CEP192: variants seen among roughly 807,000 people sequenced by gnomAD.
CEP192 encodes the protein centrosomal protein of 192 kDa.
In CEP192, 151 loss-of-function variants were observed where a neutral mutation model predicts 271.8. The ratio of observed to expected loss-of-function variants is 0.56; its 90% CI spans 0.49 to 0.64. CEP192 has a LOEUF of 0.64. CEP192 is among the 30% of genes least tolerant of loss of function. The pLI is 0.00. For missense variants in CEP192, 2,910 were observed against 3,020.5 expected (o/e 0.96, Z 0.86); for synonymous variants, 995 against 1,076.5 (o/e 0.92, Z 1.48).
Position 13,124,645 on chromosome 18 carries a change from A to T in CEP192, c.7489A>T (p.Ile2497Phe). 1 of 1,613,212 alleles carries T rather than the reference A, an allele frequency of 6.2e-7. No homozygotes were observed. The highest frequency in any genetic ancestry group is 1.1e-5 in the South Asian group (1 of 91,036). The change falls in exon 45 of 45, where the codon ATC becomes TTC. Residue 2497 changes from isoleucine (I) to phenylalanine (F), a missense_variant. Physicochemically the swap from Ile to Phe is conservative, Grantham distance 21. Coordinates refer to ENST00000506447, the MANE Select transcript of CEP192 (RefSeq NM_032142.4). The part of the protein sequence containing the change: ...SKYSLRAQHY[I>F]NMPVQFKPKS... ...CTCTCTTTCCAGAGCCCAGCATTACATCAACATGCCCGTGCAGTTCAAACC... is the reference window on the plus strand; with the variant it reads ...CTCTCTTTCCAGAGCCCAGCATTACTTCAACATGCCCGTGCAGTTCAAACC...
chr18:13,053,069 T>C lies in CEP192; in HGVS notation c.3168T>C (p.Asp1056=). Reference sequence around the variant, plus strand: ...GCTCCTATCCTACCACAGCCACAGATGATGCCCTGGAGGACCGCAAGGTGG... The same window carrying C: ...GCTCCTATCCTACCACAGCCACAGACGATGCCCTGGAGGACCGCAAGGTGG... The part of the protein sequence containing the change: ...PESSYPTTAT[D]DALEDRKSDI... The change falls in exon 18 of 45, where the codon GAT becomes GAC. Residue 1056 remains aspartate, a synonymous_variant. Coordinates refer to ENST00000506447, the MANE Select transcript of CEP192 (RefSeq NM_032142.4). 3 of 1,611,162 alleles carry C rather than the reference T, an allele frequency of 1.9e-6. No individual in the cohort carries two copies. The highest frequency in any genetic ancestry group is 2.5e-6 in the Non-Finnish European group (3 of 1,178,574).
rs1326980480 is a variant in CEP192, at chr18:13,067,968, C to T, written c.4614+12C>T. ...TGATTATTAATGCTGTAAGTATGAACATACAGTAAGAAACCATTTACAGAA... is the reference window on the plus strand; with the variant it reads ...TGATTATTAATGCTGTAAGTATGAATATACAGTAAGAAACCATTTACAGAA... On this transcript the variant is annotated intron_variant, in intron 22 of 44. Transcript: ENST00000506447. The T allele has an allele frequency of 8.7e-6, 14 of 1,604,268 alleles. No homozygotes were observed. Among genetic ancestry groups the T allele is most frequent in the African/African-American group, 1.3e-5 (1 of 74,672 alleles).
At chr18:13,026,697 G>A (rs1347686973) in intron 9 of CEP192, among the ~76,000 whole-genome samples, 2 of 152,092 alleles carry the variant, frequency 1.3e-5, no homozygotes, top group Non-Finnish European at 2.9e-5. Context: ...CATTCCTCAC[G>A]TGTTACAGTT....
intron 3 of CEP192, among the ~76,000 whole-genome samples, chr18:13,004,405 G>A (rs958696370): frequency 2.6e-5 from 4 of 152,122 alleles, no homozygotes; most frequent in African/African-American, 9.7e-5. Flanking sequence ...GAGAATTGCT[G>A]CAGCAACGTC....
At chr18:13,019,569 G>A (rs992243855) in intron 9 of CEP192, among the ~76,000 whole-genome samples, 4 of 152,042 alleles carry the variant, frequency 2.6e-5, no homozygotes, top group South Asian at 2.1e-4. Context: ...TGTGCCTGAA[G>A]CTTGGTAGTC....
At chr18:12,998,024 C>G (rs1339041256) in intron 1 of CEP192, among the ~76,000 whole-genome samples, 1 of 152,122 alleles carries the variant, frequency 6.6e-6, no homozygotes, top group Non-Finnish European at 1.5e-5. Context: ...CGCACCTGGC[C>G]TCATAATCTC....
chr18:13,094,530 G>T (rs1304841695), intron 34 of CEP192, among the ~76,000 whole-genome samples: 1 of 152,018 alleles, frequency 6.6e-6, no homozygotes, highest in Non-Finnish European at 1.5e-5. Flanking sequence ...CCTTCTTTGC[G>T]CACTTTCTTA....
chr18:13,078,959 C>T (rs546835160), intron 30 of CEP192, among the ~76,000 whole-genome samples: 4 of 152,282 alleles, frequency 2.6e-5, no homozygotes, highest in African/African-American at 4.8e-5. Flanking sequence ...CTGCAAAGGA[C>T]GTGAACTCAT....
At chr18:13,116,315 A>G in intron 42 of CEP192, 62 bp from the exon 43 acceptor site, 4 of 1,510,486 alleles carry the variant, frequency 2.6e-6, no homozygotes, top group Non-Finnish European at 3.6e-6. Context: ...TTTAATATAT[A>G]AAAACAGTTT....
chr18:13,117,724 C>T, intron 44 of CEP192, 81 bp downstream of exon 44: 3 of 1,010,472 alleles, frequency 3.0e-6, no homozygotes, highest in South Asian at 2.7e-5. Context: ...GTGAGGTCTC[C>T]TCTGCTGCAG....
rs1390541224 is a variant in CEP192, at chr18:13,040,873, C to T, written c.1853C>T (p.Pro618Leu). ...YFIRSPEKRE[P>L]IALIRKSDVS... is the part of the protein sequence containing the mutation. ...ATTAGATCACCAGAGAAGAGAGAAC[C>T]TATTGCCTTAATAAGAAAATCTGAT... The change falls in exon 14 of 45, where the codon CCT becomes CTT. Residue 618 changes from proline (P) to leucine (L), a missense_variant. Physicochemically the swap from Pro to Leu is moderately conservative, Grantham distance 98. Coordinates refer to ENST00000506447, the MANE Select transcript of CEP192 (RefSeq NM_032142.4). 2.5e-6 allele frequency: 4 copies of T among 1,603,674 alleles called. No individual in the cohort carries two copies. The South Asian group carries it at 3.3e-5, about 13-fold the overall frequency.
chr18:13,004,606 A>G (rs1309872222), intron 3 of CEP192, among the ~76,000 whole-genome samples: 2 of 152,176 alleles, frequency 1.3e-5, no homozygotes, highest in Non-Finnish European at 2.9e-5. Context: ...AGTAGGAAGC[A>G]TAGTCATCAA....
chr18:12,998,402 C>T (rs1187953615), intron 1 of CEP192, among the ~76,000 whole-genome samples: 1 of 152,134 alleles, frequency 6.6e-6, no homozygotes, highest in African/African-American at 2.4e-5. Flanking sequence ...AGTGGATTTT[C>T]GAGTCAGACC....
At chr18:13,122,826 T>C (rs1210820953) in intron 44 of CEP192, among the ~76,000 whole-genome samples, 2 of 97,178 alleles carry the variant, frequency 2.1e-5, no homozygotes, top group Non-Finnish European at 4.0e-5. Context: ...TCCTGCTACC[T>C]TTTCCCGTGT....
intron 9 of CEP192, among the ~76,000 whole-genome samples, chr18:13,027,123 T>A (rs2035346254): frequency 6.6e-6 from 1 of 152,074 alleles, no homozygotes; most frequent in Non-Finnish European, 1.5e-5. Flanking sequence ...GTTTCTCAGT[T>A]TTTTCCTCCC....
At chr18:13,076,761 C>T (rs995683295) in intron 30 of CEP192, among the ~76,000 whole-genome samples, 5 of 152,096 alleles carry the variant, frequency 3.3e-5, no homozygotes, top group African/African-American at 1.2e-4. Flanking sequence ...AGCTTCCAAT[C>T]TGAAACCCTT....
intron 17 of CEP192, among the ~76,000 whole-genome samples, chr18:13,050,707 G>A (rs1030959717): frequency 6.6e-6 from 1 of 151,866 alleles, no homozygotes; most frequent in Non-Finnish European, 1.5e-5. Context: ...GGTCTCCCGA[G>A]TAGCTGGAAC....
chr18:13,061,466 G>A (rs941449613), intron 21 of CEP192, among the ~76,000 whole-genome samples: 2 of 152,244 alleles, frequency 1.3e-5, no homozygotes, highest in African/African-American at 4.8e-5. Context: ...CACAGTACAC[G>A]TTCTCTAGGG....
At chr18:13,016,446 G>A (rs1787333915) in intron 6 of CEP192, among the ~76,000 whole-genome samples, 1 of 152,202 alleles carries the variant, frequency 6.6e-6, no homozygotes, top group Non-Finnish European at 1.5e-5. Context: ...TGAAAGCCAG[G>A]CTGATGAGCG....
Sources: allele counts gnomAD v4.1 joint callset (sites outside exome capture counted in the v4.1 genomes callset), GRCh38; gene constraint gnomAD v4.1.1; transcripts MANE v1.5; gene names NCBI Gene and HGNC (gene_info 2026-07-23, HGNC 2026-07-21).